The following DOCK9 variants were observed in gnomAD, a reference collection of about 807,000 sequenced individuals.
DOCK9 encodes dedicator of cytokinesis 9.
Under a neutral mutation model 263.3 loss-of-function variants are expected in DOCK9, and 89 were observed. That is an observed-to-expected ratio of 0.34 (90% CI 0.28 to 0.40). DOCK9 has a LOEUF of 0.40. DOCK9 is among the 10% of genes least tolerant of loss of function. The pLI, the probability that DOCK9 is intolerant of heterozygous loss-of-function variation, is 1.00. For synonymous variants in DOCK9, 976 were observed against 973.1 expected (o/e 1.00, Z -0.06); for missense variants, 2,140 against 2,603.4 (o/e 0.82, Z 3.87).
At chr13:98,929,285 G>A (rs1429134536) in intron 3 of DOCK9, among the ~76,000 whole-genome samples, 1 of 152,340 alleles carries the variant, frequency 6.6e-6, no homozygotes, top group Non-Finnish European at 1.5e-5. Context: ...GCTCATGCCA[G>A]TAATCCTAGC....
chr13:99,077,197 G>A (rs141259158), intron 1 of DOCK9, among the ~76,000 whole-genome samples: 40 of 152,204 alleles, frequency 2.6e-4, no homozygotes, highest in African/African-American at 8.4e-4. Flanking sequence ...GATTAATTAC[G>A]GTAGCAAAGA....
At chr13:99,065,865 C>T (rs1471311392) in intron 1 of DOCK9, among the ~76,000 whole-genome samples, 1 of 152,194 alleles carries the variant, frequency 6.6e-6, no homozygotes, top group African/African-American at 2.4e-5. Context: ...TAGCACAGTG[C>T]TTGGCACTCA....
intron 2 of DOCK9, among the ~76,000 whole-genome samples, chr13:98,937,391 A>G (rs1176792173): frequency 2.0e-5 from 3 of 152,208 alleles, no homozygotes; most frequent in Non-Finnish European, 2.9e-5. Flanking sequence ...AAAAAGAAAA[A>G]AAGAAAGATA....
intron 1 of DOCK9, among the ~76,000 whole-genome samples, chr13:99,032,859 A>G (rs1887492526): frequency 6.6e-6 from 1 of 152,218 alleles, no homozygotes; most frequent in Admixed American, 6.5e-5. Context: ...GCAGATGTGT[A>G]TTTAATTAAA....
chr13:99,086,763 G>A (rs2042356792), upstream of DOCK9: 2 of 147,948 alleles, frequency 1.4e-5, no homozygotes, highest in South Asian at 2.0e-4. Flanking sequence ...CGGGACGGCG[G>A]GCCAGGCAGG....
At position 99,008,234 on chromosome 13, in the gene DOCK9, A is replaced by ATATATT. The variant is rs1233268084; in HGVS notation, c.130-52684_130-52683insAATATA. On this transcript the variant is annotated intron_variant, in intron 1 of 32. Transcript: ENST00000427887. ...TCTCTATATATATATATATATATAT[A>ATATATT]TTTTTTTTTTTTTTTGAGACGAAGT... Among the ~76,000 whole-genome samples the ATATATT allele has an allele frequency of 7.1e-3, 661 of 93,672 alleles. 2 individuals carry two copies. Among genetic ancestry groups the ATATATT allele is most frequent in the East Asian group, 0.016 (40 of 2,474 alleles). 61.5% of individuals were successfully genotyped at this position (93,672 alleles called of 152,430 possible).
intron 50 of DOCK9, among the ~76,000 whole-genome samples, chr13:98,799,735 A>C (rs1253862901): frequency 6.6e-6 from 1 of 152,212 alleles, no homozygotes; most frequent in Non-Finnish European, 1.5e-5. Flanking sequence ...GTGGATGCTG[A>C]GCAAAGGAGG....
At chr13:98,986,918 G>A (rs1176867861) in intron 1 of DOCK9, among the ~76,000 whole-genome samples, 1 of 152,194 alleles carries the variant, frequency 6.6e-6, no homozygotes, top group Non-Finnish European at 1.5e-5. Flanking sequence ...GGCAGGTGAG[G>A]AGGGTGAATG....
chr13:98,930,705 C>T (rs1469030516), intron 2 of DOCK9, among the ~76,000 whole-genome samples: 7 of 151,988 alleles, frequency 4.6e-5, no homozygotes, highest in African/African-American at 1.5e-4. Context: ...AGTGCAATGG[C>T]GGGATCTCGG....
At chr13:98,932,694 C>T (rs1488888530) in intron 2 of DOCK9, among the ~76,000 whole-genome samples, 6 of 152,106 alleles carry the variant, frequency 3.9e-5, no homozygotes, top group Non-Finnish European at 2.9e-5. Context: ...GTTGTGTCTG[C>T]TTCACCTATA....
At chr13:98,840,287 A>G (rs2093163296) in intron 38 of DOCK9, among the ~76,000 whole-genome samples, 1 of 152,216 alleles carries the variant, frequency 6.6e-6, no homozygotes, top group South Asian at 2.1e-4. Flanking sequence ...TGCGGTGTGA[A>G]GCACACTGAT....
intron 1 of DOCK9, among the ~76,000 whole-genome samples, chr13:99,042,410 C>T (rs968565222): frequency 6.6e-6 from 1 of 152,216 alleles, no homozygotes; most frequent in African/African-American, 2.4e-5. Context: ...AGCTGCCTCC[C>T]GTCAGTCCTG....
chr13:99,086,849 A>G (rs1454043894), upstream of DOCK9, among the ~76,000 whole-genome samples: 1 of 149,928 alleles, frequency 6.7e-6, no homozygotes, highest in Non-Finnish European at 1.5e-5. Context: ...TCACTGGGGA[A>G]GGTGGGGGGT....
At chr13:98,996,644 CG>C (rs1354423800) in intron 1 of DOCK9, among the ~76,000 whole-genome samples, 19 of 152,178 alleles carry the variant, frequency 1.2e-4, no homozygotes, top group Admixed American at 6.5e-4. Context: ...AACACAAATT[CG>C]TAAACTTTCA....
chr13:98,906,629 G>T lies in DOCK9; in HGVS notation c.961-1923C>A, dbSNP rs117564345. On this transcript the variant is annotated intron_variant, in intron 9 of 52. Transcript: ENST00000682017. ...ACAACCACAGCAGAAAAGGCGTCTTGTCTCTTCTGTTGGTGACAGAACAAA... is the reference window on the plus strand; with the variant it reads ...ACAACCACAGCAGAAAAGGCGTCTTTTCTCTTCTGTTGGTGACAGAACAAA... Among the ~76,000 whole-genome samples, 31 of 152,314 alleles carry T rather than the reference G, an allele frequency of 2.0e-4. 1 individual carries two copies. In the East Asian group the frequency reaches 6.0e-3, roughly 29 times the overall value.
intron 9 of DOCK9, among the ~76,000 whole-genome samples, chr13:98,912,147 C>T (rs184675800): frequency 2.0e-4 from 31 of 152,268 alleles, no homozygotes; most frequent in African/African-American, 7.2e-4. Context: ...GCTGGGATTA[C>T]AGGCATGAGC....
At chr13:99,006,674 T>G (rs1398475332) in intron 1 of DOCK9, among the ~76,000 whole-genome samples, 1 of 152,198 alleles carries the variant, frequency 6.6e-6, no homozygotes. Context: ...TTAAGCAGTT[T>G]TGGTTTCTGG....
intron 30 of DOCK9, among the ~76,000 whole-genome samples, chr13:98,866,029 T>C (rs2094011332): frequency 6.6e-6 from 1 of 152,140 alleles, no homozygotes; most frequent in Admixed American, 6.5e-5. Flanking sequence ...ACTGAATACC[T>C]ATCTGTTCTC....
intron 30 of DOCK9, among the ~76,000 whole-genome samples, chr13:98,865,590 A>C (rs542658817): frequency 1.3e-5 from 2 of 152,156 alleles, no homozygotes; most frequent in African/African-American, 4.8e-5. Flanking sequence ...ATACCCTAGA[A>C]GTCTATAAGA....
Sources: allele counts gnomAD v4.1 joint callset (sites outside exome capture counted in the v4.1 genomes callset), GRCh38; gene constraint gnomAD v4.1.1; transcripts MANE v1.5; gene names NCBI Gene and HGNC (gene_info 2026-07-23, HGNC 2026-07-21).